The following BLMH variants were observed in gnomAD, a reference collection of about 807,000 sequenced individuals.
BLMH encodes the protein bleomycin hydrolase, also known as BLM hydrolase.
A neutral mutation model predicts 61.6 loss-of-function variants in BLMH; 32 were observed. The observed-to-expected ratio is 0.52, with a 90% CI of 0.39 to 0.70. The LOEUF (loss-of-function observed/expected upper bound fraction) is 0.70. Ranked by LOEUF, BLMH falls within the 30% of genes least tolerant of loss-of-function variation. The probability of loss-of-function intolerance (pLI) is 0.00; values close to 1 mark genes in which losing one functional copy is unlikely to be tolerated. For missense variants in BLMH, 460 were observed against 555.5 expected (o/e 0.83, Z 1.73); for synonymous variants, 183 against 193.8 (o/e 0.94, Z 0.46).
At chr17:30,260,938 AG>A (rs1252804573) in intron 11 of BLMH, among the ~76,000 whole-genome samples, 1 of 152,182 alleles carries the variant, frequency 6.6e-6, no homozygotes, top group Admixed American at 6.5e-5. Context: ...CCCAGAATCC[AG>A]ATTAATGGTA....
chr17:30,261,897 G>A (rs1414187863), intron 11 of BLMH, among the ~76,000 whole-genome samples: 2 of 152,114 alleles, frequency 1.3e-5, no homozygotes, highest in Non-Finnish European at 2.9e-5. Context: ...CCATTTAGAG[G>A]CTCCTTTCTA....
chr17:30,263,363 A>C (rs930959513), intron 11 of BLMH, among the ~76,000 whole-genome samples: 4 of 152,224 alleles, frequency 2.6e-5, no homozygotes, highest in African/African-American at 9.6e-5. Context: ...AAATATTTTT[A>C]TCAACTTTTC....
chr17:30,281,978 A>G (rs1908603710), intron 6 of BLMH, among the ~76,000 whole-genome samples: 1 of 152,200 alleles, frequency 6.6e-6, no homozygotes, highest in South Asian at 2.1e-4. Context: ...AGCCACTGCT[A>G]TAGAATTTCC....
intron 5 of BLMH, 36 bp from the exon 6 acceptor site, chr17:30,285,516 C>A: frequency 2.0e-6 from 3 of 1,533,712 alleles, no homozygotes; most frequent in Non-Finnish European, 2.7e-6. Flanking sequence ...CCAACAGTTA[C>A]CCGAATTCAA....
chr17:30,271,300 C>A lies in BLMH; in HGVS notation c.1117G>T (p.Ala373Ser). 4 of 1,613,810 alleles carry A rather than the reference C, an allele frequency of 2.5e-6. No homozygotes were observed. The highest frequency in any genetic ancestry group is 3.4e-6 in the Non-Finnish European group (4 of 1,179,746). ...LTFGESLMTH[A>S]MTFTAVSEKD... Reference sequence around the variant, plus strand: ...TCTGAGACAGCAGTGAAGGTCATGGCGTGGGTCATAAGTGACTCACCAAAA... The same window carrying A: ...TCTGAGACAGCAGTGAAGGTCATGGAGTGGGTCATAAGTGACTCACCAAAA... Residue 373 changes from alanine (A) to serine (S), a missense_variant, in exon 10 of 12, where the codon GCC becomes TCC. Transcript: ENST00000261714.
At chr17:30,290,181 T>C (rs550157666) in intron 2 of BLMH, among the ~76,000 whole-genome samples, 1 of 152,358 alleles carries the variant, frequency 6.6e-6, no homozygotes, top group Non-Finnish European at 1.5e-5. Flanking sequence ...CTCTTCTATA[T>C]GCTATATATT....
chr17:30,255,005 C>A (rs542618846), intron 11 of BLMH, among the ~76,000 whole-genome samples: 1 of 152,294 alleles, frequency 6.6e-6, no homozygotes, highest in East Asian at 1.9e-4. Context: ...ACCGAATCTA[C>A]ATGATTAAAT....
chr17:30,291,403 C>G lies in BLMH; in HGVS notation c.119G>C (p.Cys40Ser). The change falls in exon 2 of 12, where the codon TGT becomes TCT. Residue 40 changes from cysteine to serine, a missense_variant. Around this residue, in one of 5 missense-constraint regions of BLMH, gnomAD observed 86 missense variants for 84.5 expected, o/e 1.02. Coordinates refer to ENST00000261714, the MANE Select transcript of BLMH (RefSeq NM_000386.4). ...VGTTHDLLDICLKRATVQRAQ... is the reference protein window; with the variant it reads ...VGTTHDLLDISLKRATVQRAQ... ...GCGCTGCACCGTGGCCCGCTTCAGA[C>G]AGATGTCCAGCAGGTCGTGGGTGGT... The G allele has an allele frequency of 6.2e-7, 1 of 1,614,182 alleles. No homozygotes were observed. Among genetic ancestry groups the G allele is most frequent in the Non-Finnish European group, 8.5e-7 (1 of 1,180,040 alleles).
chr17:30,278,239 G>A (rs1908476259), intron 6 of BLMH, among the ~76,000 whole-genome samples: 1 of 152,036 alleles, frequency 6.6e-6, no homozygotes, highest in Admixed American at 6.6e-5. Context: ...CTCTCTGGTG[G>A]GCAACACTGG....
intron 11 of BLMH, among the ~76,000 whole-genome samples, chr17:30,262,025 G>C (rs2143020601): frequency 6.6e-6 from 1 of 152,224 alleles, no homozygotes; most frequent in Admixed American, 6.5e-5. Context: ...TATCTGAAAG[G>C]AACAAAAGCA....
intron 7 of BLMH, chr17:30,273,166 T>A (rs1908324257): frequency 1.5e-5 from 2 of 135,016 alleles, no homozygotes; most frequent in Non-Finnish European, 1.5e-5. Context: ...CCAAAAGCAA[T>A]TTTTTTTTTT....
chr17:30,253,606 T>C (rs989458859), intron 11 of BLMH, among the ~76,000 whole-genome samples: 1 of 152,100 alleles, frequency 6.6e-6, no homozygotes, highest in Non-Finnish European at 1.5e-5. Context: ...GGCTGGCCCT[T>C]TTGACTTGCG....
chr17:30,249,268 C>A, intron 11 of BLMH, 100 bp from the exon 12 acceptor site: 1 of 1,252,606 alleles, frequency 8.0e-7, no homozygotes, highest in Non-Finnish European at 1.1e-6. Flanking sequence ...AATATTCATA[C>A]ATATTTTTCA....
In BLMH at chr17:30,291,518, G is replaced by A. The variant is rs202205223; in HGVS notation, c.14-10C>T. ...TTCTCCGAATTCAGTCCTGTTGGGA[G>A]ACCAAACAGGATTTTAACGCAAAAA... is the stretch of plus-strand genomic sequence containing the variant. On this transcript the variant is annotated splice_polypyrimidine_tract_variant and intron_variant, in intron 1 of 11. Transcript: ENST00000261714. 1.2e-6 allele frequency: 2 copies of A among 1,612,500 alleles called. No homozygotes were observed. The highest frequency in any genetic ancestry group is 1.7e-5 in the Admixed American group (1 of 59,994).
At chr17:30,279,746 G>T (rs1204217501) in intron 6 of BLMH, among the ~76,000 whole-genome samples, 1 of 152,078 alleles carries the variant, frequency 6.6e-6, no homozygotes, top group Non-Finnish European at 1.5e-5. Flanking sequence ...AGGCTGCAGT[G>T]AGCTGTGATC....
chr17:30,282,575 A>T (rs1908622194), intron 6 of BLMH, among the ~76,000 whole-genome samples: 1 of 152,212 alleles, frequency 6.6e-6, no homozygotes, highest in Non-Finnish European at 1.5e-5. Context: ...ACACTGAGAT[A>T]ACATTGCAAT....
intron 11 of BLMH, among the ~76,000 whole-genome samples, chr17:30,254,869 A>G (rs1468496867): frequency 1.3e-5 from 2 of 152,166 alleles, no homozygotes; most frequent in Non-Finnish European, 2.9e-5. Flanking sequence ...AGACCCTTTA[A>G]TTTCATAAAA....
At position 30,248,922 on chromosome 17, in the gene BLMH, C is replaced by A; in HGVS notation, c.*95G>T. 1 of 1,471,010 alleles carries A rather than the reference C, an allele frequency of 6.8e-7. No homozygotes were observed. The highest frequency in any genetic ancestry group is 9.3e-7 in the Non-Finnish European group (1 of 1,076,638). The allele number at this position is 1,471,010 out of a possible 1,614,324, so 91.1% of individuals were successfully genotyped here. Reference sequence around the variant, plus strand: ...AATCTGACTGTGTCCTGTGGCAACACACAGTCCCTTGCATAACTTTGGCTT... The same window carrying A: ...AATCTGACTGTGTCCTGTGGCAACAAACAGTCCCTTGCATAACTTTGGCTT... On this transcript the variant is annotated 3_prime_UTR_variant, in exon 12 of 12. Coordinates refer to ENST00000261714, the MANE Select transcript of BLMH (RefSeq NM_000386.4).
At chr17:30,272,151 A>G (rs955715490) in intron 9 of BLMH, 2 of 209,320 alleles carry the variant, frequency 9.6e-6, no homozygotes, top group African/African-American at 2.3e-5. Flanking sequence ...TAAAGTATGC[A>G]TGCAAATTAG....
Sources: gnomAD v4.1 joint callset for allele counts (sites outside exome capture counted in the v4.1 genomes callset) on GRCh38, gnomAD v4.1.1 for gene constraint, gnomAD v4.1.1 regional missense constraint, MANE v1.5 for transcripts, NCBI Gene and HGNC (gene_info 2026-07-23, HGNC 2026-07-21) for gene names.